Variants in ARL5A observed in about 807,000 individuals in gnomAD.
The protein encoded by ARL5A is ADP-ribosylation factor-like protein 5A.
ARL5A carries 18 observed loss-of-function variants against 25.9 expected under a neutral mutation model. The ratio of observed to expected loss-of-function variants is 0.69; its 90% CI spans 0.48 to 1.03. The LOEUF is 1.03. Among genes scored for constraint, ARL5A ranks in the 50% least tolerant of loss-of-function variants. The probability of loss-of-function intolerance (pLI) is 0.00; values close to 1 mark genes in which losing one functional copy is unlikely to be tolerated. For missense variants in ARL5A, 170 were observed against 211.9 expected, an observed-to-expected ratio of 0.80 and a Z score of 1.23; for synonymous variants, 61 against 67.5, an observed-to-expected ratio of 0.90 and a Z score of 0.47.
In ARL5A at chr2:151,828,405, G is replaced by C. The variant is rs1333892923; in HGVS notation, c.-229C>G. The C allele has an allele frequency of 2.6e-6, 1 of 384,766 alleles. No individual in the cohort carries two copies. Among genetic ancestry groups the C allele is most frequent in the Non-Finnish European group, 4.6e-6 (1 of 218,310 alleles). The allele number at this position is 384,766 out of a possible 1,614,324, so 23.8% of individuals were successfully genotyped here. ...GGCACTCGCCTGGCTCGCGGACATCGCCGCCGCGTTGTCTGCGACGAGCCT... is the reference window on the plus strand; with the variant it reads ...GGCACTCGCCTGGCTCGCGGACATCCCCGCCGCGTTGTCTGCGACGAGCCT... On this transcript the variant is annotated 5_prime_UTR_variant, in exon 1 of 6. Transcript: ENST00000295087.
At chr2:151,814,555 T>G (rs2099831257) in intron 2 of ARL5A, among the ~76,000 whole-genome samples, 1 of 152,024 alleles carries the variant, frequency 6.6e-6, no homozygotes, top group African/African-American at 2.4e-5. Context: ...AGTTTTCTAC[T>G]TTCTTTTTTT....
chr2:151,806,705 C>T (rs1246945411), intron 5 of ARL5A, 116 bp downstream of exon 5: 22 of 1,050,016 alleles, frequency 2.1e-5, no homozygotes, highest in Non-Finnish European at 3.0e-5. Context: ...CAGCTTACGT[C>T]TGTCCCTTAC....
intron 1 of ARL5A, among the ~76,000 whole-genome samples, chr2:151,827,173 T>C (rs1272680524): frequency 6.6e-6 from 1 of 152,206 alleles, no homozygotes; most frequent in Non-Finnish European, 1.5e-5. Context: ...ACCACCCAAC[T>C]TGAGTTAAAA....
At chr2:151,826,762 A>T (rs1578385010) in intron 1 of ARL5A, among the ~76,000 whole-genome samples, 1 of 152,180 alleles carries the variant, frequency 6.6e-6, no homozygotes, top group South Asian at 2.1e-4. Context: ...AGACCAGAAA[A>T]CCTGAGAGTT....
intron 1 of ARL5A, among the ~76,000 whole-genome samples, chr2:151,826,122 A>AAAAAAC (rs374772537): frequency 2.6e-5 from 4 of 152,190 alleles, no homozygotes; most frequent in Admixed American, 1.3e-4. Flanking sequence ...CTCCATCTCA[A>AAAAAAC]AAAAACAAAA....
At chr2:151,804,939 T>C (rs1200229450) in intron 5 of ARL5A, among the ~76,000 whole-genome samples, 1 of 152,202 alleles carries the variant, frequency 6.6e-6, no homozygotes, top group African/African-American at 2.4e-5. Flanking sequence ...ACTCATCTAT[T>C]ATTTTCCTAT....
intron 1 of ARL5A, among the ~76,000 whole-genome samples, chr2:151,821,789 CTTTTTTTT>C (rs34042323): frequency 8.9e-5 from 8 of 90,128 alleles, no homozygotes; most frequent in Admixed American, 1.3e-4. Flanking sequence ...TTTTTTTTTT[CTTTTTTTT>C]TTTTTTTTTT....
intron 1 of ARL5A, among the ~76,000 whole-genome samples, chr2:151,824,898 C>G (rs1398885641): frequency 1.3e-5 from 2 of 152,168 alleles, no homozygotes; most frequent in Non-Finnish European, 2.9e-5. Context: ...AAGCAAGTTA[C>G]CTGTTTCCGT....
At chr2:151,806,192 G>C (rs972791564) in intron 5 of ARL5A, among the ~76,000 whole-genome samples, 6 of 152,078 alleles carry the variant, frequency 3.9e-5, no homozygotes, top group African/African-American at 1.4e-4. Context: ...TTTCATCTCT[G>C]GGTGCTAGAC....
intron 1 of ARL5A, among the ~76,000 whole-genome samples, chr2:151,818,300 C>G (rs78979524): frequency 0.012 from 1,860 of 151,802 alleles, 39 homozygotes; most frequent in African/African-American, 0.043. Flanking sequence ...TTTTTTGAGA[C>G]AGGGTCTCAC....
intron 4 of ARL5A, among the ~76,000 whole-genome samples, chr2:151,807,990 T>C (rs2151292497): frequency 6.6e-6 from 1 of 152,276 alleles, no homozygotes; most frequent in Non-Finnish European, 1.5e-5. Context: ...CCTCTCTACC[T>C]GCCAGTTTTA....
chr2:151,808,246 C>T (rs1016592062), intron 4 of ARL5A, among the ~76,000 whole-genome samples: 1 of 152,158 alleles, frequency 6.6e-6, no homozygotes, highest in Non-Finnish European at 1.5e-5. Context: ...TTTGGTGCCA[C>T]ACTTGCAAGT....
intron 4 of ARL5A, chr2:151,810,261 T>C (rs886409094): frequency 2.6e-5 from 4 of 153,304 alleles, no homozygotes; most frequent in Non-Finnish European, 5.8e-5. Flanking sequence ...TTTACAGTTT[T>C]GTATTTTGTA....
chr2:151,806,805 G>C lies in ARL5A; in HGVS notation c.491+16C>G. ...AAAATAAATGTTCGATAACATTTAA[G>C]AGGAAGATGTCTTACCCCTCGCCAG... On this transcript the variant is annotated intron_variant, in intron 5 of 5. Coordinates refer to ENST00000295087, the MANE Select transcript of ARL5A (RefSeq NM_012097.4). 1 of 1,588,094 alleles carries C rather than the reference G, an allele frequency of 6.3e-7. No homozygotes were observed. The highest frequency in any genetic ancestry group is 8.5e-7 in the Non-Finnish European group (1 of 1,172,572).
rs1292691075 is a variant in ARL5A at position 151,802,716 on chromosome 2, T to C, written c.*560A>G. 6.5e-6 allele frequency: 1 copy of C among 152,882 alleles called. No homozygotes were observed. Among genetic ancestry groups the C allele is most frequent in the African/African-American group, 2.4e-5 (1 of 41,450 alleles). The allele number at this position is 152,882 out of a possible 1,614,324, so 9.5% of individuals were successfully genotyped here. A position where few individuals can be genotyped will look rare whatever the true frequency, so the allele number is the denominator to read the frequency against. On this transcript the variant is annotated 3_prime_UTR_variant, in exon 6 of 6. Coordinates refer to ENST00000295087, the MANE Select transcript of ARL5A (RefSeq NM_012097.4). ...CACTGAACACTAATGCCAATACTTATCTCATTGTGGTTATAACGAAGGATA... is the reference window on the plus strand; with the variant it reads ...CACTGAACACTAATGCCAATACTTACCTCATTGTGGTTATAACGAAGGATA...
intron 2 of ARL5A, 61 bp downstream of exon 2, chr2:151,815,078 T>A: frequency 3.1e-6 from 4 of 1,291,394 alleles, no homozygotes; most frequent in Non-Finnish European, 4.4e-6. Context: ...ATTGATCGAC[T>A]ATCACCCAGG....
chr2:151,827,885 T>C (rs964963657), intron 1 of ARL5A: 5 of 525,090 alleles, frequency 9.5e-6, no homozygotes, highest in African/African-American at 6.1e-5. Flanking sequence ...ATCGGAGCAA[T>C]GGGTCTATTA....
At position 151,800,431 on chromosome 2, in the gene ARL5A, TCTTCTTCC is replaced by T. The variant is rs953004701; in HGVS notation, c.*2837_*2844del. 22 of 152,198 alleles carry T rather than the reference TCTTCTTCC, an allele frequency of 1.4e-4. No individual in the cohort carries two copies. Among genetic ancestry groups the T allele is most frequent in the African/African-American group, 5.1e-4 (21 of 41,444 alleles). 9.4% of individuals were successfully genotyped at this position (152,198 alleles called of 1,614,324 possible). A position where few individuals can be genotyped will look rare whatever the true frequency, so the allele number is the denominator to read the frequency against. Reference sequence around the variant, plus strand: ...TTTTTAAAGGCCAGAAAATAAAAACTCTTCTTCCCTCTATTTCATCCCATGCTTCTAAA... The same window carrying T: ...TTTTTAAAGGCCAGAAAATAAAAACTCTCTATTTCATCCCATGCTTCTAAA... On this transcript the variant is annotated 3_prime_UTR_variant, in exon 6 of 6. Coordinates refer to ENST00000295087, the MANE Select transcript of ARL5A (RefSeq NM_012097.4).
intron 4 of ARL5A, among the ~76,000 whole-genome samples, chr2:151,811,943 G>A (rs930460664): frequency 2.0e-5 from 3 of 152,162 alleles, no homozygotes; most frequent in African/African-American, 4.8e-5. Context: ...CAATATCAGA[G>A]AAACCTAACA....
Sources: gnomAD v4.1 joint callset for allele counts (sites outside exome capture counted in the v4.1 genomes callset) on GRCh38, gnomAD v4.1.1 for gene constraint, MANE v1.5 for transcripts, NCBI Gene and HGNC (gene_info 2026-07-23, HGNC 2026-07-21) for gene names.